The following RIC8A variants were observed in gnomAD, a reference collection of about 807,000 sequenced individuals.
The protein encoded by RIC8A is chaperone Ric-8A.
RIC8A carries 37 observed loss-of-function variants against 48.4 expected under a neutral mutation model. The observed-to-expected ratio is 0.77, with a 90% confidence interval of 0.59 to 1.01. The LOEUF (loss-of-function observed/expected upper bound fraction) is 1.01. Ranked by LOEUF, RIC8A falls within the 50% of genes least tolerant of loss-of-function variation. The pLI is 0.00. For synonymous variants in RIC8A, 288 were observed against 283.4 expected (o/e 1.02, Z -0.16); for missense variants, 681 against 696.8 (o/e 0.98, Z 0.25).
chr11:212,194 C>T (rs1855376824), intron 5 of RIC8A: 1 of 565,488 alleles, frequency 1.8e-6, no homozygotes, highest in Non-Finnish European at 3.2e-6. Flanking sequence ...ACGAGTACCT[C>T]TGAGTTACGC....
Position 209,592 on chromosome 11 carries a change from A to T in RIC8A, c.318A>T (p.Pro106=). The T allele has an allele frequency of 6.2e-7, 1 of 1,614,072 alleles. No homozygotes were observed. The highest frequency in any genetic ancestry group is 8.5e-7 in the Non-Finnish European group (1 of 1,180,038). The change falls in exon 3 of 10, where the codon CCA becomes CCT. Residue 106 remains proline, a synonymous_variant. Transcript: ENST00000526104. ...ADISVSEGSV[P]ESADMDVVLE... ...TCTCTGTCTCTGAGGGGTCCGTCCC[A>T]GAGTCCGCAGACATGGATGTTGTAC... is the stretch of plus-strand genomic sequence containing the variant.
rs1855392111 is a variant in RIC8A, at chr11:212,650, T to C, written c.1101T>C (p.Pro367=). The C allele has an allele frequency of 4.3e-6, 7 of 1,614,068 alleles. No individual in the cohort carries two copies. Among genetic ancestry groups the C allele is most frequent in the Non-Finnish European group, 5.1e-6 (6 of 1,179,994 alleles). ...CTCTGCGGGATGTGAGGACACGGCC[T>C]GAGGTTGGGGAGATGCTGCGGAACA... ...LPPLRDVRTR[P]EVGEMLRNKL... The change falls in exon 7 of 10, where the codon CCT becomes CCC. Residue 367 remains proline, a synonymous_variant. Coordinates refer to ENST00000526104, the MANE Select transcript of RIC8A (RefSeq NM_001286134.2).
In RIC8A at chr11:208,949, G is replaced by A; in HGVS notation, c.84+11G>A. 1 of 1,582,014 alleles carries A rather than the reference G, an allele frequency of 6.3e-7. No individual in the cohort carries two copies. Among genetic ancestry groups the A allele is most frequent in the South Asian group, 1.1e-5 (1 of 88,676 alleles). On this transcript the variant is annotated intron_variant, in intron 1 of 9. Coordinates refer to ENST00000526104, the MANE Select transcript of RIC8A (RefSeq NM_001286134.2). The surrounding 1 kb of genome is among the most constrained non-coding windows in gnomAD (Gnocchi z 4.8). Reference sequence around the variant, plus strand: ...TCATACAACCAGGAGGTAAGCGGCCGCCTGAGGCCGGGGGGCGGGCACGGA... The same window carrying A: ...TCATACAACCAGGAGGTAAGCGGCCACCTGAGGCCGGGGGGCGGGCACGGA...
In RIC8A at chr11:207,852, G is replaced by A. The variant is rs1855222057; in HGVS notation, c.-1003G>A. 1 of 154,126 alleles carries A rather than the reference G, an allele frequency of 6.5e-6. No individual in the cohort carries two copies. The allele number at this position is 154,126 out of a possible 1,614,324, so 9.5% of individuals were successfully genotyped here. A position where few individuals can be genotyped will look rare whatever the true frequency, so the allele number is the denominator to read the frequency against. ...GGAGCACTGGGTGTGGTGGGGGCAG[G>A]GGTGCCTCCTCTGTCAAGTGGAGAT... On this transcript the variant is annotated 5_prime_UTR_variant, in exon 1 of 10. Transcript: ENST00000526104.
chr11:213,123 A>T (rs1024916086), intron 8 of RIC8A, 142 bp downstream of exon 8: 53 of 1,366,240 alleles, frequency 3.9e-5, no homozygotes, highest in Non-Finnish European at 5.1e-5. Flanking sequence ...CCTAAGTGCT[A>T]TCTGGGATAC....
Position 209,676 on chromosome 11 carries a change from G to A in RIC8A, c.402G>A (p.Leu134=). ...LVLSSPVAQM[L]AAEARLVVKL... is the part of the protein sequence containing the mutation. ...TCAGCAGCCCTGTGGCACAGATGCT[G>A]GCAGCAGAGGCCCGCCTAGTGGTGA... Residue 134 remains leucine, a synonymous_variant, in exon 3 of 10, where the codon CTG becomes CTA. Transcript: ENST00000526104. 9 of 1,613,942 alleles carry A rather than the reference G, an allele frequency of 5.6e-6. No homozygotes were observed. Among genetic ancestry groups the A allele is most frequent in the Non-Finnish European group, 7.6e-6 (9 of 1,179,994 alleles).
chr11:208,949 G>C lies in RIC8A; in HGVS notation c.84+11G>C. On this transcript the variant is annotated intron_variant, in intron 1 of 9. Transcript: ENST00000526104. The surrounding 1 kb of genome is among the most constrained non-coding windows in gnomAD (Gnocchi z 4.8). ...TCATACAACCAGGAGGTAAGCGGCCGCCTGAGGCCGGGGGGCGGGCACGGA... is the reference window on the plus strand; with the variant it reads ...TCATACAACCAGGAGGTAAGCGGCCCCCTGAGGCCGGGGGGCGGGCACGGA... 6.3e-7 allele frequency: 1 copy of C among 1,582,020 alleles called. No homozygotes were observed.
chr11:212,353 T>C, intron 5 of RIC8A, 63 bp from the exon 6 acceptor site: 1 of 1,520,672 alleles, frequency 6.6e-7, no homozygotes. Context: ...TGGGGAGGTG[T>C]AACTCTGTGC....
intron 3 of RIC8A, 44 bp from the exon 4 acceptor site, chr11:210,527 G>A (rs1212221917): frequency 1.3e-6 from 2 of 1,547,722 alleles, no homozygotes; most frequent in East Asian, 2.2e-5. Flanking sequence ...GGCAGCAGTG[G>A]GATGAGTGGG....
At chr11:213,492 C>A in intron 9 of RIC8A, 74 bp downstream of exon 9, 1 of 1,539,994 alleles carries the variant, frequency 6.5e-7, no homozygotes, top group Non-Finnish European at 8.8e-7. Context: ...TTGTGAGCCC[C>A]AGGAGGTAGG....
Position 212,402 on chromosome 11 carries a change from A to G in RIC8A, c.970-14A>G. On this transcript the variant is annotated splice_polypyrimidine_tract_variant and intron_variant, in intron 5 of 9. Coordinates refer to ENST00000526104, the MANE Select transcript of RIC8A (RefSeq NM_001286134.2). ...GGCAGGGGCATAGCCCCAGTGACAG[A>G]GAATCCTCTACAGACACACAGGCTG... 1 of 1,612,708 alleles carries G rather than the reference A, an allele frequency of 6.2e-7. No individual in the cohort carries two copies. The highest frequency in any genetic ancestry group is 8.5e-7 in the Non-Finnish European group (1 of 1,179,438).
Position 214,331 on chromosome 11 carries a change from C to A in RIC8A, c.1577C>A (p.Pro526His). 6.2e-7 allele frequency: 1 copy of A among 1,604,760 alleles called. No homozygotes were observed. Residue 526 changes from proline (P) to histidine (H), a missense_variant, in exon 10 of 10, where the codon CCT becomes CAT. Transcript: ENST00000526104. ...ETMEQQLSSD[P>H]DSDPD is the part of the protein sequence containing the mutation. ...ATGGAGCAGCAGCTCTCCTCGGACC[C>A]TGACTCGGACCCTGACTGAGGATGG...
At chr11:210,820 G>A (rs1235830122) in intron 4 of RIC8A, 158 bp downstream of exon 4, 11 of 704,020 alleles carry the variant, frequency 1.6e-5, no homozygotes, top group Admixed American at 7.2e-5. Context: ...CCATGAATTT[G>A]GGGGCAGGAA....
Position 212,750 on chromosome 11 carries a change from T to C in RIC8A, c.1201T>C (p.Ser401Pro). The C allele has an allele frequency of 6.2e-7, 1 of 1,614,066 alleles. No individual in the cohort carries two copies. The highest frequency in any genetic ancestry group is 8.5e-7 in the Non-Finnish European group (1 of 1,180,002). ...TGCCGAGTTCTTGTTTGTCCTGTGC[T>C]CTGAGAGTGGTGAGTTATGGAGACC... is the stretch of plus-strand genomic sequence containing the variant. ...VAAEFLFVLC[S>P]ESVPRFIKYT... is the part of the protein sequence containing the mutation. Residue 401 changes from serine (S) to proline (P), a missense_variant, in exon 7 of 10, where the codon TCT becomes CCT. By Grantham distance (74) the Ser-to-Pro change is moderately conservative. Coordinates refer to ENST00000526104, the MANE Select transcript of RIC8A (RefSeq NM_001286134.2).
At chr11:212,116 TC>T (rs1243304391) in intron 5 of RIC8A, 2 of 393,994 alleles carry the variant, frequency 5.1e-6, no homozygotes, top group Non-Finnish European at 9.5e-6. Context: ...TGTGTTTTCT[TC>T]CCAGCTCTGG....
chr11:211,247 T>C lies in RIC8A; in HGVS notation c.867T>C (p.Val289=). Residue 289 remains valine, a synonymous_variant, in exon 5 of 10, where the codon GTT becomes GTC. Transcript: ENST00000526104. This position sits in a 1 kb window ranked among gnomAD's most constrained non-coding sequence, Gnocchi z 4.0. ...LGNLPLKCLD[V]LLTLEPHGDS... ...ACTTGCCCCTCAAGTGTCTGGATGT[T>C]CTCCTCACCCTGGAGCCACATGGAG... 1 of 1,614,040 alleles carries C rather than the reference T, an allele frequency of 6.2e-7. No individual in the cohort carries two copies. The highest frequency in any genetic ancestry group is 8.5e-7 in the Non-Finnish European group (1 of 1,179,958).
At position 211,047 on chromosome 11, in the gene RIC8A, G is replaced by T; in HGVS notation, c.819-152G>T. 5 of 777,204 alleles carry T rather than the reference G, an allele frequency of 6.4e-6. No homozygotes were observed. Among genetic ancestry groups the T allele is most frequent in the Non-Finnish European group, 1.0e-5 (5 of 485,448 alleles). The allele number at this position is 777,204 out of a possible 1,614,324, so 48.1% of individuals were successfully genotyped here. A position where few individuals can be genotyped will look rare whatever the true frequency, so the allele number is the denominator to read the frequency against. Reference sequence around the variant, plus strand: ...TACAGCTGAGTGGCAGTGCCTCTCAGATCAGTCCCTGCCCTTGGCTTTGGT... The same window carrying T: ...TACAGCTGAGTGGCAGTGCCTCTCATATCAGTCCCTGCCCTTGGCTTTGGT... On this transcript the variant is annotated intron_variant, in intron 4 of 9. Coordinates refer to ENST00000526104, the MANE Select transcript of RIC8A (RefSeq NM_001286134.2). This position sits in a 1 kb window ranked among gnomAD's most constrained non-coding sequence, Gnocchi z 4.0.
Position 210,325 on chromosome 11 carries a change from G to A in RIC8A, c.727-246G>A, listed in dbSNP as rs367650013. The A allele has an allele frequency of 1.3e-5, 9 of 696,770 alleles. 1 individual carries two copies. The highest frequency in any genetic ancestry group is 1.2e-4 in the South Asian group (8 of 66,754). 43.2% of individuals were successfully genotyped at this position (696,770 alleles called of 1,614,324 possible). On this transcript the variant is annotated intron_variant, in intron 3 of 9. Transcript: ENST00000526104. ...GACTTCATCCCTAAGGTATGTGTTA[G>A]CATTCCTAATCAGGGAAGTGCTCTT...
chr11:213,806 G>A (rs1375252597), intron 9 of RIC8A: 4 of 241,194 alleles, frequency 1.7e-5, no homozygotes, highest in Non-Finnish European at 3.3e-5. Flanking sequence ...AGTTAGCTGG[G>A]CGTGGTGGTG....
Sources: gnomAD v4.1 joint callset for allele counts on GRCh38, gnomAD v4.1.1 for gene constraint, Gnocchi (gnomAD v3.1) non-coding constraint, MANE v1.5 for transcripts, NCBI Gene and HGNC (gene_info 2026-07-23, HGNC 2026-07-21) for gene names.